The following PACRG variants were observed in gnomAD, a reference collection of about 807,000 sequenced individuals.
The protein encoded by PACRG is parkin coregulated gene protein.
Under a neutral mutation model 29.7 loss-of-function variants are expected in PACRG, and 29 were observed. The ratio of observed to expected loss-of-function variants is 0.98; its 90% CI spans 0.73 to 1.33. The LOEUF (loss-of-function observed/expected upper bound fraction) is 1.33, where lower values mean the gene tolerates loss of function less well. Ranked by LOEUF, PACRG falls within the 40% of genes most tolerant of loss-of-function variation. The pLI is 0.00. For missense variants in PACRG, 279 were observed against 316.2 expected, an observed-to-expected ratio of 0.88 and a Z score of 0.89; for synonymous variants, 116 against 118.7, an observed-to-expected ratio of 0.98 and a Z score of 0.15.
chr6:163,196,375 ACCTCT>A (rs1780453705), intron 4 of PACRG, among the ~76,000 whole-genome samples: 1 of 151,836 alleles, frequency 6.6e-6, no homozygotes. Context: ...CCGCTCCAAG[ACCTCT>A]CCTGTCCTAG....
chr6:162,996,749 C>G (rs1281785716), intron 2 of PACRG, among the ~76,000 whole-genome samples: 2 of 152,126 alleles, frequency 1.3e-5, no homozygotes, highest in Non-Finnish European at 2.9e-5. Flanking sequence ...CAGTAACTGT[C>G]TCAACTCTTG....
At chr6:163,144,774 A>G (rs1005292616) in intron 4 of PACRG, among the ~76,000 whole-genome samples, 4 of 147,642 alleles carry the variant, frequency 2.7e-5, no homozygotes, top group Non-Finnish European at 6.1e-5. Context: ...CTCTCAAAAG[A>G]AAAAAAAAGT....
chr6:163,041,214 G>A (rs1808673748), intron 2 of PACRG, among the ~76,000 whole-genome samples: 1 of 152,142 alleles, frequency 6.6e-6, no homozygotes, highest in Non-Finnish European at 1.5e-5. Flanking sequence ...GCGGGCGCCT[G>A]TAGTCCCAGC....
At chr6:162,995,713 C>T (rs148798497) in intron 2 of PACRG, among the ~76,000 whole-genome samples, 28 of 152,332 alleles carry the variant, frequency 1.8e-4, no homozygotes, top group Non-Finnish European at 3.1e-4. Context: ...GCGTCGCTCA[C>T]GCTGGGAGCT....
At chr6:162,908,735 G>A (rs1796102117) in intron 2 of PACRG, among the ~76,000 whole-genome samples, 4 of 152,192 alleles carry the variant, frequency 2.6e-5, no homozygotes, top group Non-Finnish European at 5.9e-5. Context: ...ATGGACAGGG[G>A]CATGGCATAC....
chr6:163,021,598 T>C (rs1189486761), intron 2 of PACRG, among the ~76,000 whole-genome samples: 1 of 152,082 alleles, frequency 6.6e-6, no homozygotes, highest in Non-Finnish European at 1.5e-5. Context: ...CATTTCTTAT[T>C]CTCACAATTA....
intron 3 of PACRG, among the ~76,000 whole-genome samples, chr6:163,078,503 A>AG (rs1334949403): frequency 2.2e-5 from 3 of 137,220 alleles, no homozygotes; most frequent in South Asian, 2.7e-4. Context: ...TCAAAAAAAA[A>AG]GGGGGGGAGG....
chr6:163,292,465 G>A (rs771055272), intron 4 of PACRG, among the ~76,000 whole-genome samples: 1 of 152,156 alleles, frequency 6.6e-6, no homozygotes, highest in Admixed American at 6.5e-5. Flanking sequence ...GCAATGGCAC[G>A]ATCTCGGCTC....
intron 1 of PACRG, among the ~76,000 whole-genome samples, chr6:162,795,237 G>A (rs377173444): frequency 6.6e-6 from 1 of 151,878 alleles, no homozygotes; most frequent in East Asian, 1.9e-4. Context: ...GAAGAGGGGT[G>A]GGGGGCAGAG....
At chr6:162,849,655 T>A (rs940555306) in intron 2 of PACRG, among the ~76,000 whole-genome samples, 1 of 152,266 alleles carries the variant, frequency 6.6e-6, no homozygotes, top group Admixed American at 6.5e-5. Flanking sequence ...ACTTTTTATA[T>A]CTTTCTAAAA....
intron 2 of PACRG, among the ~76,000 whole-genome samples, chr6:163,038,080 A>G (rs1808371992): frequency 6.6e-6 from 1 of 152,204 alleles, no homozygotes; most frequent in Admixed American, 6.5e-5. Context: ...CAGCTGATGT[A>G]TGTACTGTTA....
chr6:162,927,132 T>C (rs1360534612), intron 2 of PACRG, among the ~76,000 whole-genome samples: 2 of 151,914 alleles, frequency 1.3e-5, no homozygotes, highest in Non-Finnish European at 2.9e-5. Context: ...GGATGGCAAT[T>C]ATTAAAAAGT....
chr6:162,924,218 T>C (rs1235247168), intron 2 of PACRG, among the ~76,000 whole-genome samples: 1 of 152,082 alleles, frequency 6.6e-6, no homozygotes, highest in Non-Finnish European at 1.5e-5. Flanking sequence ...GAAATACTAC[T>C]GTTGTTTGTA....
At chr6:163,112,080 T>C in intron 4 of PACRG, 1 of 950,258 alleles carries the variant, frequency 1.1e-6, no homozygotes, top group Non-Finnish European at 1.3e-6. Flanking sequence ...AGCAAGGCAT[T>C]GAGGGAAAGG....
At position 163,269,762 on chromosome 6, in the gene PACRG, G is replaced by GAGAC. The variant is rs1554237772; in HGVS notation, c.614-45045_614-45042dup. 6.6e-4 allele frequency among the ~76,000 whole-genome samples: 34 copies of GAGAC among 51,306 alleles called. 5 individuals carry two copies. The highest frequency in any genetic ancestry group is 1.3e-3 in the South Asian group (2 of 1,600). The allele number at this position is 51,306 out of a possible 152,430, so 33.7% of individuals were successfully genotyped here. A position where few individuals can be genotyped will look rare whatever the true frequency, so the allele number is the denominator to read the frequency against. ...GGGGAAAAGAAGAAAGAGAGAGAGAGAGACAGACAGACAGACAGACAGAAA... is the reference window on the plus strand; with the variant it reads ...GGGGAAAAGAAGAAAGAGAGAGAGAGAGACAGACAGACAGACAGACAGACAGAAA... On this transcript the variant is annotated intron_variant, in intron 4 of 4. Transcript: ENST00000366888.
chr6:162,819,604 A>G (rs1162317852), intron 2 of PACRG, among the ~76,000 whole-genome samples: 3 of 152,290 alleles, frequency 2.0e-5, no homozygotes, highest in East Asian at 1.9e-4. Flanking sequence ...CTTTGTCTGT[A>G]TTTCTGGTTT....
chr6:162,880,208 G>A (rs1030162706), intron 2 of PACRG, among the ~76,000 whole-genome samples: 20 of 152,076 alleles, frequency 1.3e-4, no homozygotes, highest in African/African-American at 4.6e-4. Context: ...ATGTAGCAAC[G>A]GTAAGAAATG....
intron 4 of PACRG, among the ~76,000 whole-genome samples, chr6:163,181,904 C>T (rs913783358): frequency 3.9e-5 from 6 of 152,164 alleles, no homozygotes; most frequent in Admixed American, 6.5e-5. Context: ...AATCGGGGTT[C>T]CACCACGCCC....
At chr6:162,976,025 T>C (rs374795801) in intron 2 of PACRG, among the ~76,000 whole-genome samples, 1 of 152,072 alleles carries the variant, frequency 6.6e-6, no homozygotes, top group African/African-American at 2.4e-5. Flanking sequence ...CAGAAATTCA[T>C]GGAGGTGGGC....
Sources: gnomAD v4.1 joint callset for allele counts (sites outside exome capture counted in the v4.1 genomes callset) on GRCh38, gnomAD v4.1.1 for gene constraint, MANE v1.5 for transcripts, NCBI Gene and HGNC (gene_info 2026-07-23, HGNC 2026-07-21) for gene names.